CADPS2: variants seen among roughly 807,000 people sequenced by gnomAD.
CADPS2 encodes the protein calcium dependent secretion activator 2, also known as calcium-dependent secretion activator 2.
Under a neutral mutation model 172.5 loss-of-function variants are expected in CADPS2, and 93 were observed. The ratio of observed to expected loss-of-function variants is 0.54; its 90% CI spans 0.46 to 0.64. The LOEUF (loss-of-function observed/expected upper bound fraction) is 0.64. Ranked by LOEUF, CADPS2 falls within the 30% of genes least tolerant of loss-of-function variation. The pLI is 0.00. For missense variants in CADPS2, 1,420 were observed against 1,565.9 expected (o/e 0.91, Z 1.57); for synonymous variants, 546 against 555.2 (o/e 0.98, Z 0.23).
intron 1 of CADPS2, among the ~76,000 whole-genome samples, chr7:122,772,897 A>G (rs1180704833): frequency 6.6e-6 from 1 of 152,168 alleles, no homozygotes; most frequent in Non-Finnish European, 1.5e-5. Flanking sequence ...CTTTCCAGGC[A>G]AAGGAGATGA....
At chr7:122,506,595 T>C (rs982925179) in intron 9 of CADPS2, among the ~76,000 whole-genome samples, 2 of 152,184 alleles carry the variant, frequency 1.3e-5, no homozygotes, top group Admixed American at 1.3e-4. Context: ...GTATGTCGTA[T>C]TCCTACTGCA....
chr7:122,664,108 G>A (rs948258746), intron 2 of CADPS2, among the ~76,000 whole-genome samples: 3 of 149,532 alleles, frequency 2.0e-5, no homozygotes, highest in Admixed American at 2.0e-4. Flanking sequence ...AACAACTGGA[G>A]ATATGAACCC....
chr7:122,773,073 C>T (rs951635537), intron 1 of CADPS2, among the ~76,000 whole-genome samples: 4 of 151,972 alleles, frequency 2.6e-5, no homozygotes, highest in African/African-American at 9.7e-5. Context: ...TCAGAAAACA[C>T]GAACAATTCA....
intron 5 of CADPS2, among the ~76,000 whole-genome samples, chr7:122,616,311 G>C (rs2074914908): frequency 6.6e-6 from 1 of 151,954 alleles, no homozygotes. Context: ...AACATAATCT[G>C]TATCAGTTAC....
intron 4 of CADPS2, among the ~76,000 whole-genome samples, chr7:122,627,685 A>G (rs1278867574): frequency 6.6e-6 from 1 of 152,152 alleles, no homozygotes; most frequent in East Asian, 1.9e-4. Flanking sequence ...TACATATGAC[A>G]ATGTGCCCAG....
chr7:122,516,586 ATTAT>A (rs2060394785), intron 8 of CADPS2, among the ~76,000 whole-genome samples: 1 of 152,136 alleles, frequency 6.6e-6, no homozygotes, highest in African/African-American at 2.4e-5. Context: ...GTTCATCAAT[ATTAT>A]TTAAGAATAA....
At chr7:122,352,368 G>A (rs1563128847) in intron 27 of CADPS2, among the ~76,000 whole-genome samples, 1 of 147,218 alleles carries the variant, frequency 6.8e-6, no homozygotes, top group Non-Finnish European at 1.5e-5. Context: ...AGCTTTTAAA[G>A]TTTAGATGGA....
At chr7:122,669,191 T>C (rs1415414577) in intron 2 of CADPS2, among the ~76,000 whole-genome samples, 1 of 151,900 alleles carries the variant, frequency 6.6e-6, no homozygotes, top group Non-Finnish European at 1.5e-5. Flanking sequence ...ATTAGCCGGG[T>C]GTAGTGGCAC....
intron 1 of CADPS2, 72 bp from the exon 2 acceptor site, chr7:122,737,140 A>C (rs1415727112): frequency 7.9e-6 from 6 of 762,478 alleles, no homozygotes; most frequent in Non-Finnish European, 1.4e-5. Context: ...TAAAAATCAT[A>C]TTTGCTGTAT....
intron 7 of CADPS2, among the ~76,000 whole-genome samples, chr7:122,567,895 G>T (rs2066673913): frequency 6.6e-6 from 1 of 151,822 alleles, no homozygotes; most frequent in African/African-American, 2.4e-5. Context: ...TAACAGAAGA[G>T]AAAGAAAAAA....
intron 1 of CADPS2, among the ~76,000 whole-genome samples, chr7:122,858,969 T>A (rs186800904): frequency 1.8e-4 from 27 of 152,316 alleles, no homozygotes; most frequent in African/African-American, 6.0e-4. Flanking sequence ...TACATATTGA[T>A]TTGGTCAGGG....
chr7:122,658,690 A>G (rs887251654), intron 3 of CADPS2, among the ~76,000 whole-genome samples: 2 of 152,156 alleles, frequency 1.3e-5, no homozygotes, highest in African/African-American at 4.8e-5. Context: ...AACAATGAGA[A>G]CACGTGGACA....
At chr7:122,865,025 G>T (rs567263849) in intron 1 of CADPS2, among the ~76,000 whole-genome samples, 1 of 152,244 alleles carries the variant, frequency 6.6e-6, no homozygotes, top group East Asian at 1.9e-4. Context: ...CCTAATGGGA[G>T]GTGTTTGGGT....
intron 7 of CADPS2, among the ~76,000 whole-genome samples, chr7:122,569,609 T>C (rs2066932173): frequency 7.9e-6 from 1 of 127,030 alleles, no homozygotes. Context: ...GCTGGAGGCA[T>C]CACACTACCT....
chr7:122,799,095 T>C (rs1196505106), intron 1 of CADPS2, among the ~76,000 whole-genome samples: 4 of 151,736 alleles, frequency 2.6e-5, no homozygotes, highest in Admixed American at 2.6e-4. Context: ...TATAAACAAA[T>C]CTTAAATAGA....
Position 122,878,019 on chromosome 7 carries a change from G to A in CADPS2, c.339+7980C>T, listed in dbSNP as rs796495576. On this transcript the variant is annotated intron_variant, in intron 1 of 29. Coordinates refer to ENST00000449022, the MANE Select transcript of CADPS2 (RefSeq NM_017954.11). ...CTATTTTTAAAAAGTGGCACTTTGG[G>A]AGGCCGAGGCGGTGGATCATGAGGT... is the stretch of plus-strand genomic sequence containing the variant. 2.2e-3 allele frequency among the ~76,000 whole-genome samples: 96 copies of A among 44,174 alleles called. No homozygotes were observed. In the African/African-American group the frequency reaches 0.023, roughly 11 times the overall value. 29.0% of individuals were successfully genotyped at this position (44,174 alleles called of 152,430 possible).
At chr7:122,603,969 A>T (rs1177486087) in intron 6 of CADPS2, among the ~76,000 whole-genome samples, 1 of 152,148 alleles carries the variant, frequency 6.6e-6, no homozygotes, top group East Asian at 1.9e-4. Context: ...TCTGTACAAC[A>T]TGGGGGATGA....
intron 13 of CADPS2, 125 bp from the exon 14 acceptor site, chr7:122,471,687 T>C (rs2055969114): frequency 1.3e-6 from 1 of 781,218 alleles, no homozygotes; most frequent in South Asian, 2.1e-5. Flanking sequence ...TTTATTTTAT[T>C]AGTGGTATGT....
chr7:122,405,490 C>T (rs1385938842), intron 20 of CADPS2, among the ~76,000 whole-genome samples: 2 of 151,992 alleles, frequency 1.3e-5, no homozygotes, highest in Admixed American at 6.6e-5. Context: ...TGGTGGAACC[C>T]CGTCTCTACC....
Sources: gnomAD v4.1 joint callset for allele counts (sites outside exome capture counted in the v4.1 genomes callset) on GRCh38, gnomAD v4.1.1 for gene constraint, MANE v1.5 for transcripts, NCBI Gene and HGNC (gene_info 2026-07-23, HGNC 2026-07-21) for gene names.